Variants in PTK2B observed in about 807,000 individuals in gnomAD.
PTK2B encodes protein-tyrosine kinase 2-beta.
PTK2B carries 71 observed loss-of-function variants against 142.9 expected under a neutral mutation model. The ratio of observed to expected loss-of-function variants is 0.50; its 90% confidence interval spans 0.41 to 0.61. The LOEUF (loss-of-function observed/expected upper bound fraction) is 0.61, where lower values mean the gene tolerates loss of function less well. PTK2B is among the 20% of genes least tolerant of loss of function. PTK2B has a pLI of 0.00. For synonymous variants in PTK2B, 519 were observed against 503.4 expected (o/e 1.03, Z -0.42); for missense variants, 1,105 against 1,320.4 (o/e 0.84, Z 2.53).
At chr8:27,365,949 A>G (rs1805995962) in intron 1 of PTK2B, among the ~76,000 whole-genome samples, 1 of 152,232 alleles carries the variant, frequency 6.6e-6, no homozygotes, top group African/African-American at 2.4e-5. Context: ...TTCAAACAGA[A>G]CCACTAATCA....
In PTK2B at chr8:27,334,975, T is replaced by A. The variant is rs1255134002; in HGVS notation, c.-38+9294T>A. Among the ~76,000 whole-genome samples the A allele has an allele frequency of 2.6e-5, 4 of 152,098 alleles. No homozygotes were observed. The East Asian group carries it at 7.7e-4, about 29-fold the overall frequency. On this transcript the variant is annotated intron_variant, in intron 1 of 30. Transcript: ENST00000346049. ...AGTCTTGCCTTTCCCTTTTCTCTCC[T>A]CCTCCTACTGTTGAGTACAACTAGG...
At chr8:27,337,624 C>T (rs1199131933) in intron 1 of PTK2B, among the ~76,000 whole-genome samples, 2 of 152,214 alleles carry the variant, frequency 1.3e-5, no homozygotes, top group Non-Finnish European at 2.9e-5. Context: ...TGGCCTTTCG[C>T]GACGGCTGCT....
upstream of PTK2B, among the ~76,000 whole-genome samples, chr8:27,323,944 T>G (rs911534769): frequency 6.6e-6 from 1 of 152,164 alleles, no homozygotes; most frequent in Non-Finnish European, 1.5e-5. Flanking sequence ...AACTCTCCTT[T>G]TCTTAAACAG....
At position 27,434,080 on chromosome 8, in the gene PTK2B, C is replaced by T. The variant is rs368326233; in HGVS notation, c.1106-13C>T. On this transcript the variant is annotated splice_polypyrimidine_tract_variant and intron_variant, in intron 11 of 30. Coordinates refer to ENST00000346049, the MANE Select transcript of PTK2B (RefSeq NM_173176.3). ...CCCCAGCTCCAACCTCCTCCTTCCT[C>T]CTCTCTTCCTAGATGGTGAGAAGCG... The T allele has an allele frequency of 6.7e-5, 108 of 1,614,044 alleles. 1 individual carries two copies. The African/African-American group carries it at 1.1e-3, about 16-fold the overall frequency.
chr8:27,392,971 A>G (rs1485563588), intron 1 of PTK2B, among the ~76,000 whole-genome samples: 1 of 152,212 alleles, frequency 6.6e-6, no homozygotes, highest in Non-Finnish European at 1.5e-5. Context: ...TTCTTCACTG[A>G]CTGGGAATAT....
At position 27,435,556 on chromosome 8, in the gene PTK2B, G is replaced by A. The variant is rs563196030; in HGVS notation, c.1193-187G>A. 2.0e-5 allele frequency among the ~76,000 whole-genome samples: 3 copies of A among 152,358 alleles called. No homozygotes were observed. In the East Asian group the frequency reaches 5.8e-4, roughly 29 times the overall value. ...CAAATCGGGAAGCAGAGAGCAGGGAGTTCAGCCAAGGTGCCCTGGGCTCTG... is the reference window on the plus strand; with the variant it reads ...CAAATCGGGAAGCAGAGAGCAGGGAATTCAGCCAAGGTGCCCTGGGCTCTG... On this transcript the variant is annotated intron_variant, in intron 13 of 30. Transcript: ENST00000346049.
intron 1 of PTK2B, among the ~76,000 whole-genome samples, chr8:27,371,665 G>A (rs1236989103): frequency 1.3e-5 from 2 of 151,728 alleles, no homozygotes; most frequent in South Asian, 2.1e-4. Flanking sequence ...CTCCTGCCTC[G>A]GCATCCCAAG....
In PTK2B at chr8:27,450,971, AGGGTCCCCTGCATTCTT is replaced by A. The variant is rs1811768542; in HGVS notation, c.2488-69_2488-53del. ...TCCACCTCCCCAGGTGGCTGGGGCA[AGGGTCCCCTGCATTCTT>A]GGTGCTTTCAGCTCCAGAATTCTTA... On this transcript the variant is annotated intron_variant, in intron 25 of 30. Transcript: ENST00000346049. 5 of 1,610,638 alleles carry A rather than the reference AGGGTCCCCTGCATTCTT, an allele frequency of 3.1e-6. No homozygotes were observed. In the African/African-American group the frequency reaches 5.3e-5, roughly 17 times the overall value.
intron 1 of PTK2B, among the ~76,000 whole-genome samples, chr8:27,395,804 A>G (rs1311834314): frequency 1.3e-5 from 2 of 152,094 alleles, no homozygotes; most frequent in Non-Finnish European, 2.9e-5. Context: ...CCTCCCTGTC[A>G]TCATTTCTCT....
chr8:27,400,747 C>T (rs1808329689), intron 2 of PTK2B, among the ~76,000 whole-genome samples: 1 of 152,174 alleles, frequency 6.6e-6, no homozygotes, highest in Non-Finnish European at 1.5e-5. Context: ...GAGATTTCAG[C>T]TTTACATGTG....
chr8:27,330,632 G>A (rs1344371193), intron 1 of PTK2B, among the ~76,000 whole-genome samples: 2 of 152,124 alleles, frequency 1.3e-5, no homozygotes, highest in African/African-American at 4.8e-5. Flanking sequence ...GCAAGGGGGC[G>A]GCAGAGGGGG....
chr8:27,377,861 G>GA (rs1316270297), intron 1 of PTK2B, among the ~76,000 whole-genome samples: 1 of 152,116 alleles, frequency 6.6e-6, no homozygotes, highest in Admixed American at 6.5e-5. Context: ...GAAGGTTCTG[G>GA]AAAATGTAAA....
intron 3 of PTK2B, among the ~76,000 whole-genome samples, chr8:27,314,011 G>T (rs989008754): frequency 6.6e-6 from 1 of 152,122 alleles, no homozygotes; most frequent in African/African-American, 2.4e-5. Flanking sequence ...GATTGGGGAG[G>T]GTAGAGTCCT....
At chr8:27,412,842 A>G (rs1419930051) in intron 2 of PTK2B, among the ~76,000 whole-genome samples, 4 of 152,200 alleles carry the variant, frequency 2.6e-5, no homozygotes, top group Non-Finnish European at 5.9e-5. Flanking sequence ...TTCACCAACT[A>G]GAATCATTAG....
chr8:27,333,687 C>T (rs1479555387), intron 1 of PTK2B, among the ~76,000 whole-genome samples: 1 of 152,122 alleles, frequency 6.6e-6, no homozygotes, highest in Admixed American at 6.5e-5. Flanking sequence ...CTGGCCGCTT[C>T]CCCCTGGGCC....
chr8:27,381,449 G>A (rs1300418667), intron 1 of PTK2B, among the ~76,000 whole-genome samples: 1 of 152,084 alleles, frequency 6.6e-6, no homozygotes, highest in Non-Finnish European at 1.5e-5. Context: ...CTCTTTCTGT[G>A]CCTGACTTAT....
At chr8:27,451,143 A>G in intron 26 of PTK2B, 65 bp downstream of exon 26, 4 of 1,549,728 alleles carry the variant, frequency 2.6e-6, no homozygotes, top group Non-Finnish European at 3.6e-6. Context: ...CCACCATAGG[A>G]CCCCCCGCCC....
At chr8:27,334,062 G>A (rs1030822206) in intron 1 of PTK2B, among the ~76,000 whole-genome samples, 5 of 151,468 alleles carry the variant, frequency 3.3e-5, no homozygotes, top group African/African-American at 1.2e-4. Context: ...CTCTTTCCAC[G>A]CCCCCACTTT....
chr8:27,434,216 C>A, intron 12 of PTK2B, 84 bp downstream of exon 12: 1 of 1,504,530 alleles, frequency 6.6e-7, no homozygotes, highest in Non-Finnish European at 9.1e-7. Context: ...GGAGTCCCCA[C>A]CTCCATAGTT....
Sources: gnomAD v4.1 joint callset for allele counts (sites outside exome capture counted in the v4.1 genomes callset) on GRCh38, gnomAD v4.1.1 for gene constraint, MANE v1.5 for transcripts, NCBI Gene and HGNC (gene_info 2026-07-23, HGNC 2026-07-21) for gene names.